Variants in DNAI4 observed in about 807,000 individuals in gnomAD.
DNAI4 encodes WD repeat domain 78.
Under a neutral mutation model 105.8 loss-of-function variants are expected in DNAI4, and 85 were observed. That is an observed-to-expected ratio of 0.80 (90% CI 0.67 to 0.96). The LOEUF (loss-of-function observed/expected upper bound fraction) is 0.96, where lower values mean the gene tolerates loss of function less well. Ranked by LOEUF, DNAI4 falls within the 40% of genes least tolerant of loss-of-function variation. DNAI4 has a pLI of 0.00. For synonymous variants in DNAI4, 352 were observed against 331.5 expected (o/e 1.06, Z -0.67); for missense variants, 1,014 against 1,005.6 (o/e 1.01, Z -0.11).
intron 4 of DNAI4, among the ~76,000 whole-genome samples, chr1:66,876,277 C>T (rs1646956849): frequency 6.6e-6 from 1 of 152,096 alleles, no homozygotes; most frequent in Non-Finnish European, 1.5e-5. Flanking sequence ...GAAAAGTCCA[C>T]ACAGGAATAC....
chr1:66,841,073 C>A (rs1646139002), intron 8 of DNAI4, among the ~76,000 whole-genome samples: 1 of 152,212 alleles, frequency 6.6e-6, no homozygotes, highest in Non-Finnish European at 1.5e-5. Context: ...CACCCAGAAA[C>A]TTCACTGAGG....
intron 7 of DNAI4, among the ~76,000 whole-genome samples, chr1:66,850,569 T>C (rs986567466): frequency 6.6e-6 from 1 of 152,036 alleles, no homozygotes; most frequent in African/African-American, 2.4e-5. Context: ...AATATACTTC[T>C]TATTCTTTTG....
At chr1:66,847,902 T>C (rs1646312317) in intron 7 of DNAI4, 7 of 486,672 alleles carry the variant, frequency 1.4e-5, no homozygotes, top group South Asian at 5.0e-5. Flanking sequence ...TTTCAGAAGA[T>C]AGGCAATGAT....
chr1:66,815,553 A>G (rs2100281491), intron 16 of DNAI4, among the ~76,000 whole-genome samples: 1 of 152,330 alleles, frequency 6.6e-6, no homozygotes, highest in Admixed American at 6.5e-5. Flanking sequence ...GCAAGAACAC[A>G]GAGAAAAACA....
At position 66,847,643 on chromosome 1, in the gene DNAI4, C is replaced by T. The variant is rs1243761479; in HGVS notation, c.1132G>A (p.Val378Ile). 9.3e-6 allele frequency: 15 copies of T among 1,612,906 alleles called. No homozygotes were observed. Among genetic ancestry groups the T allele is most frequent in the Non-Finnish European group, 1.3e-5 (15 of 1,179,616 alleles). ...ETSSLMDIEN[V>I]ILAKIHEDEE... ...TCTTCATGGATTTTTGCCAGAATTA[C>T]ATTTTCTATGTCCATTAGAGAACTA... Residue 378 changes from valine (V) to isoleucine (I), a missense_variant, in exon 8 of 17, where the codon GTA (valine) becomes ATA (isoleucine). Transcript: ENST00000371026.
intron 1 of DNAI4, among the ~76,000 whole-genome samples, chr1:66,905,946 C>CTTTGTT: frequency 7.6e-6 from 1 of 131,040 alleles, no homozygotes; most frequent in Non-Finnish European, 1.6e-5. Flanking sequence ...TTTTTTGAGA[C>CTTTGTT]GGAGTCTCGC....
At chr1:66,895,308 G>A (rs565975272) in intron 2 of DNAI4, among the ~76,000 whole-genome samples, 29 of 152,226 alleles carry the variant, frequency 1.9e-4, no homozygotes, top group East Asian at 1.7e-3. Flanking sequence ...GCAGAATCTC[G>A]TCTTTACCAA....
At chr1:66,834,207 T>G in intron 11 of DNAI4, 59 bp from the exon 12 acceptor site, 817 of 1,181,308 alleles carry the variant, frequency 6.9e-4, no homozygotes, top group Non-Finnish European at 8.6e-4. Context: ...TTAAAGGCCT[T>G]GGAGTATAAG....
At chr1:66,887,915 C>A (rs1013579282) in intron 4 of DNAI4, among the ~76,000 whole-genome samples, 2 of 151,912 alleles carry the variant, frequency 1.3e-5, no homozygotes, top group African/African-American at 2.4e-5. Context: ...GCCGAGATCG[C>A]ACCACTGCAC....
rs1172135084 is a variant in DNAI4 at position 66,830,787 on chromosome 1, AAAT to A, written c.2013+2795_2013+2797del. The stretch of plus-strand genomic sequence containing the variant: ...TAGGGTGAGACCCTGTCTCAAAAAA[AAAT>A]AAATAAATAAATAAAATAAAATAAA... On this transcript the variant is annotated intron_variant, in intron 13 of 16. Transcript: ENST00000371026. Among the ~76,000 whole-genome samples, 3 of 150,560 alleles carry A rather than the reference AAAT, an allele frequency of 2.0e-5. No individual in the cohort carries two copies. In the East Asian group the frequency reaches 5.8e-4, roughly 29 times the overall value.
chr1:66,814,012 G>A lies in DNAI4; in HGVS notation c.*118C>T. The A allele has an allele frequency of 1.7e-6, 1 of 600,342 alleles. No individual in the cohort carries two copies. Among genetic ancestry groups the A allele is most frequent in the Non-Finnish European group, 2.7e-6 (1 of 376,762 alleles). The allele number at this position is 600,342 out of a possible 1,614,324, so 37.2% of individuals were successfully genotyped here. A position where few individuals can be genotyped will look rare whatever the true frequency, so the allele number is the denominator to read the frequency against. On this transcript the variant is annotated 3_prime_UTR_variant, in exon 17 of 17. Transcript: ENST00000371026. Reference sequence around the variant, plus strand: ...TTTATTAAATTTAAATTAAGTGGAAGTTATACATCAAATATTGTTTTCTGA... The same window carrying A: ...TTTATTAAATTTAAATTAAGTGGAAATTATACATCAAATATTGTTTTCTGA...
intron 1 of DNAI4, among the ~76,000 whole-genome samples, chr1:66,913,511 C>T (rs934663095): frequency 1.3e-5 from 2 of 152,146 alleles, no homozygotes; most frequent in Non-Finnish European, 2.9e-5. Flanking sequence ...GAAAGGTGCC[C>T]CTGGGTACCC....
chr1:66,895,614 T>C (rs1648259351), intron 2 of DNAI4, among the ~76,000 whole-genome samples: 2 of 152,222 alleles, frequency 1.3e-5, no homozygotes, highest in South Asian at 4.1e-4. Context: ...TTTGAACTGA[T>C]TTATGTTGAA....
intron 15 of DNAI4, among the ~76,000 whole-genome samples, chr1:66,822,851 A>T (rs1012457265): frequency 3.3e-5 from 5 of 151,772 alleles, no homozygotes; most frequent in Non-Finnish European, 7.4e-5. Context: ...TTGTAAAGAT[A>T]TTTTTTTCAA....
intron 8 of DNAI4, among the ~76,000 whole-genome samples, chr1:66,844,414 T>A (rs1221028208): frequency 6.6e-6 from 1 of 151,796 alleles, no homozygotes; most frequent in East Asian, 1.9e-4. Flanking sequence ...ATACAAAAAT[T>A]AGCCAGGTAG....
intron 16 of DNAI4, among the ~76,000 whole-genome samples, chr1:66,817,147 C>T (rs960441020): frequency 3.3e-5 from 5 of 152,086 alleles, no homozygotes; most frequent in African/African-American, 4.8e-5. Context: ...TTTTATCTAT[C>T]CAGTCTTCCA....
intron 4 of DNAI4, among the ~76,000 whole-genome samples, chr1:66,876,538 A>G (rs1249021826): frequency 6.6e-6 from 1 of 152,166 alleles, no homozygotes; most frequent in African/African-American, 2.4e-5. Flanking sequence ...CAGAGGACTT[A>G]CCATTCATAG....
chr1:66,905,406 G>T, intron 1 of DNAI4, 31 bp from the exon 2 acceptor site: 1 of 1,351,340 alleles, frequency 7.4e-7, no homozygotes. Context: ...ATAATGCAAA[G>T]GATTCAAGAT....
At chr1:66,830,007 G>A (rs146558197) in intron 13 of DNAI4, among the ~76,000 whole-genome samples, 13 of 152,164 alleles carry the variant, frequency 8.5e-5, no homozygotes, top group South Asian at 2.1e-4. Flanking sequence ...CTGGTAATTT[G>A]AACAGAATGA....
Sources: allele counts gnomAD v4.1 joint callset (sites outside exome capture counted in the v4.1 genomes callset), GRCh38; gene constraint gnomAD v4.1.1; transcripts MANE v1.5; gene names NCBI Gene and HGNC (gene_info 2026-07-23, HGNC 2026-07-21).